Variants in FLNB observed in about 807,000 individuals in gnomAD.
FLNB encodes the protein filamin-B.
A neutral mutation model predicts 250.6 loss-of-function variants in FLNB; 111 were observed. That is an observed-to-expected ratio of 0.44 (90% CI 0.38 to 0.52). The LOEUF (loss-of-function observed/expected upper bound fraction) is 0.52, where lower values mean the gene tolerates loss of function less well. FLNB is among the 20% of genes least tolerant of loss of function. FLNB has a pLI of 0.00. For missense variants in FLNB, 2,869 were observed against 3,447.8 expected, an observed-to-expected ratio of 0.83 and a Z score of 4.20; for synonymous variants, 1,302 against 1,372.1, an observed-to-expected ratio of 0.95 and a Z score of 1.13.
chr3:58,147,528 G>A (rs1245090566), intron 34 of FLNB, among the ~76,000 whole-genome samples: 1 of 152,184 alleles, frequency 6.6e-6, no homozygotes, highest in Non-Finnish European at 1.5e-5. Flanking sequence ...GGCAGATCCT[G>A]TTTCCCCACC....
chr3:58,101,432 T>C (rs746155175), intron 8 of FLNB, among the ~76,000 whole-genome samples: 2 of 152,234 alleles, frequency 1.3e-5, no homozygotes, highest in African/African-American at 2.4e-5. Context: ...AAGGTATCTT[T>C]TATCAACCTC....
chr3:58,162,637 A>G (rs1336105196), intron 42 of FLNB: 1 of 162,330 alleles, frequency 6.2e-6, no homozygotes, highest in East Asian at 1.8e-4. Context: ...CCATCTCCCA[A>G]TGTTTAAAAA....
chr3:58,090,115 T>C (rs577652312), intron 4 of FLNB, among the ~76,000 whole-genome samples: 231 of 151,294 alleles, frequency 1.5e-3, no homozygotes, highest in African/African-American at 5.4e-3. Context: ...CTTTTTTCTG[T>C]GTTTAAAACT....
At chr3:58,067,152 C>T (rs547459764) in intron 1 of FLNB, among the ~76,000 whole-genome samples, 2 of 152,110 alleles carry the variant, frequency 1.3e-5, no homozygotes, top group Admixed American at 1.3e-4. Context: ...ATTCTCCATG[C>T]CCTGTTCACG....
At position 58,071,251 on chromosome 3, in the gene FLNB, C is replaced by T. The variant is rs2097193996; in HGVS notation, c.293-5795C>T. ...TTACAGAGATGAACCGCCTGGCCTA[C>T]ACACCCCTATCTCTCCTCGATTCTT... is the stretch of plus-strand genomic sequence containing the variant. On this transcript the variant is annotated intron_variant, in intron 1 of 45. Coordinates refer to ENST00000295956, the MANE Select transcript of FLNB (RefSeq NM_001457.4). Among the ~76,000 whole-genome samples the T allele has an allele frequency of 5.5e-5, 8 of 144,778 alleles. No homozygotes were observed. The South Asian group carries it at 1.7e-3, about 31-fold the overall frequency. The allele number at this position is 144,778 out of a possible 152,430, so 95.0% of individuals were successfully genotyped here.
intron 1 of FLNB, among the ~76,000 whole-genome samples, chr3:58,036,754 G>GT (rs941678656): frequency 7.2e-5 from 11 of 152,176 alleles, no homozygotes; most frequent in South Asian, 4.2e-4. Flanking sequence ...GCTATTAGCA[G>GT]TTTTTTTTCA....
intron 39 of FLNB, 120 bp downstream of exon 39, chr3:58,153,761 G>A: frequency 1.7e-6 from 2 of 1,166,714 alleles, no homozygotes; most frequent in Non-Finnish European, 2.5e-6. Context: ...TGGCATTAAG[G>A]GCATTATTTA....
rs370716086 is a variant in FLNB, at chr3:58,123,618, G to T, written c.3652G>T (p.Ala1218Ser). The part of the protein sequence containing the change: ...YGGELVPHFP[A>S]RVKVEPAVDT... ...TGGCGAACTCGTGCCACACTTCCCCGCCCGGGTCAAGGTGGAGCCCGCCGT... is the reference window on the plus strand; with the variant it reads ...TGGCGAACTCGTGCCACACTTCCCCTCCCGGGTCAAGGTGGAGCCCGCCGT... Residue 1218 changes from alanine (A) to serine (S), a missense_variant, in exon 21 of 46, where the codon GCC becomes TCC. Physicochemically the swap from Ala to Ser is moderately conservative, Grantham distance 99. Transcript: ENST00000295956. The T allele has an allele frequency of 1.2e-6, 2 of 1,611,566 alleles. No homozygotes were observed. Among genetic ancestry groups the T allele is most frequent in the East Asian group, 2.2e-5 (1 of 44,810 alleles).
At chr3:58,057,436 G>T (rs1400140187) in intron 1 of FLNB, among the ~76,000 whole-genome samples, 8 of 152,218 alleles carry the variant, frequency 5.3e-5, no homozygotes, top group East Asian at 1.9e-4. Flanking sequence ...GTGTTTTGTT[G>T]GTTCCTGAGA....
Position 58,106,766 on chromosome 3 carries a change from G to A in FLNB, c.1834G>A (p.Glu612Lys). ...GSCDVKYWPK[E>K]PGEYAVHIMC... is the part of the protein sequence containing the mutation. ...GTGTGATGTCAAATACTGGCCCAAG[G>A]AGCCTGGCGAATATGCTGTTCACAT... Residue 612 changes from glutamate (E) to lysine (K), a missense_variant, in exon 12 of 46, where the codon GAG (glutamate) becomes AAG (lysine). By Grantham distance (56) the Glu-to-Lys change is moderately conservative. Transcript: ENST00000295956. 1.2e-6 allele frequency: 2 copies of A among 1,614,134 alleles called. No homozygotes were observed. The highest frequency in any genetic ancestry group is 1.7e-6 in the Non-Finnish European group (2 of 1,180,020).
At chr3:58,127,633 T>G (rs1299443599) in intron 24 of FLNB, among the ~76,000 whole-genome samples, 1 of 152,198 alleles carries the variant, frequency 6.6e-6, no homozygotes, top group Non-Finnish European at 1.5e-5. Context: ...AGACTTCTCC[T>G]TCCCCATTCT....
At position 58,110,098 on chromosome 3, in the gene FLNB, T is replaced by C. The variant is rs370550316; in HGVS notation, c.2412T>C (p.Asn804=). The change falls in exon 16 of 46, where the codon AAT becomes AAC. Residue 804 remains asparagine, a synonymous_variant. Coordinates refer to ENST00000295956, the MANE Select transcript of FLNB (RefSeq NM_001457.4). The stretch of plus-strand genomic sequence containing the variant: ...ATTTTGACATTATTCACAATGCCAA[T>C]GATACGTTCACAGTCAAATATGTGC... ...DVDFDIIHNA[N]DTFTVKYVPP... is the part of the protein sequence containing the mutation. The C allele has an allele frequency of 3.9e-5, 63 of 1,614,166 alleles. 2 individuals carry two copies. The Middle Eastern group carries it at 1.6e-3, about 42-fold the overall frequency.
Position 58,078,762 on chromosome 3 carries a change from A to G in FLNB, c.587A>G (p.Asp196Gly). The G allele has an allele frequency of 1.2e-6, 2 of 1,614,010 alleles. No homozygotes were observed. Among genetic ancestry groups the G allele is most frequent in the Non-Finnish European group, 1.7e-6 (2 of 1,179,976 alleles). ...WESWDPQKPV[D>G]NAREAMQQAD... ...TCCTGGGACCCGCAGAAGCCTGTGG[A>G]TAATGCACGAGAAGCCATGCAGCAG... Residue 196 changes from aspartate to glycine, a missense_variant, in exon 3 of 46, where the codon GAT (aspartate) becomes GGT (glycine). Physicochemically the swap from Asp to Gly is moderately conservative, Grantham distance 94. Coordinates refer to ENST00000295956, the MANE Select transcript of FLNB (RefSeq NM_001457.4).
At chr3:58,126,866 T>A in intron 24 of FLNB, 104 bp downstream of exon 24, 1 of 1,045,872 alleles carries the variant, frequency 9.6e-7, no homozygotes, top group Non-Finnish European at 1.5e-6. Flanking sequence ...CTGATATTTG[T>A]AATAGCTGCA....
intron 18 of FLNB, among the ~76,000 whole-genome samples, chr3:58,113,306 C>T (rs775713710): frequency 1.3e-5 from 2 of 152,202 alleles, no homozygotes; most frequent in Non-Finnish European, 2.9e-5. Context: ...GTGGTTGTTC[C>T]AAGCCTCTGA....
At chr3:58,136,219 G>C in intron 28 of FLNB, 51 bp downstream of exon 28, 1 of 1,586,220 alleles carries the variant, frequency 6.3e-7, no homozygotes, top group Non-Finnish European at 8.6e-7. Context: ...CAATCAGAAA[G>C]CCGGGCCGTA....
rs1313514671 is a variant in FLNB, at chr3:58,142,749, ACTGGTAAGC to A, written c.5282_5284+6del. On this transcript the variant is annotated splice_donor_variant and splice_donor_5th_base_variant and coding_sequence_variant and intron_variant, in exon 31 of 46. Transcript: ENST00000295956. LOFTEE classifies it high-confidence loss of function. The surrounding 1 kb of genome is among the most constrained non-coding windows in gnomAD (Gnocchi z 4.3). Reference sequence around the variant, plus strand: ...GTTTGCTGTCAGGAAAGGAGAAATCACTGGTAAGCACTTGCCATAAAGGCCGTCTCATTC... The same window carrying A: ...GTTTGCTGTCAGGAAAGGAGAAATCAACTTGCCATAAAGGCCGTCTCATTC... The A allele has an allele frequency of 6.2e-7, 1 of 1,613,204 alleles. No homozygotes were observed. The highest frequency in any genetic ancestry group is 8.5e-7 in the Non-Finnish European group (1 of 1,179,172).
intron 3 of FLNB, among the ~76,000 whole-genome samples, chr3:58,079,389 A>T (rs2097205964): frequency 6.6e-6 from 1 of 151,642 alleles, no homozygotes; most frequent in Non-Finnish European, 1.5e-5. Context: ...AGTAGCTGGG[A>T]TTATAGGTGC....
At chr3:58,011,826 A>G (rs2097099351) in intron 1 of FLNB, among the ~76,000 whole-genome samples, 1 of 152,226 alleles carries the variant, frequency 6.6e-6, no homozygotes, top group South Asian at 2.1e-4. Flanking sequence ...AGTCACTTAG[A>G]GAGTTCAGGG....
Sources: gnomAD v4.1 joint callset for allele counts (sites outside exome capture counted in the v4.1 genomes callset) on GRCh38, gnomAD v4.1.1 for gene constraint, Gnocchi (gnomAD v3.1) non-coding constraint, MANE v1.5 for transcripts, NCBI Gene and HGNC (gene_info 2026-07-23, HGNC 2026-07-21) for gene names.